NRG3: variants seen among roughly 807,000 people sequenced by gnomAD.
NRG3 encodes the protein neuregulin 3, also known as pro-neuregulin-3, membrane-bound isoform.
Under a neutral mutation model 66.9 loss-of-function variants are expected in NRG3, and 31 were observed. The ratio of observed to expected loss-of-function variants is 0.46; its 90% CI spans 0.35 to 0.63. The LOEUF (loss-of-function observed/expected upper bound fraction) is 0.63, where lower values mean the gene tolerates loss of function less well. Among genes scored for constraint, NRG3 ranks in the 20% least tolerant of loss-of-function variants. The pLI is 0.00. For missense variants in NRG3, 910 were observed against 878.9 expected, an observed-to-expected ratio of 1.04 and a Z score of -0.45; for synonymous variants, 393 against 359.4, an observed-to-expected ratio of 1.09 and a Z score of -1.06.
intron 4 of NRG3, among the ~76,000 whole-genome samples, chr10:82,920,719 T>C (rs527542361): frequency 6.6e-6 from 1 of 152,136 alleles, no homozygotes; most frequent in South Asian, 2.1e-4. Flanking sequence ...TAAAAAATGC[T>C]AAAAAAATGA....
At chr10:82,569,781 C>T (rs1315297358) in intron 2 of NRG3, among the ~76,000 whole-genome samples, 1 of 151,594 alleles carries the variant, frequency 6.6e-6, no homozygotes, top group Non-Finnish European at 1.5e-5. Context: ...ACAAATAACT[C>T]ACAAATATTT....
chr10:82,378,523 C>G (rs1011503638), intron 2 of NRG3, among the ~76,000 whole-genome samples: 3 of 151,724 alleles, frequency 2.0e-5, no homozygotes, highest in Admixed American at 2.0e-4. Context: ...TCCTTCCTTC[C>G]CTCCATTCCT....
chr10:82,577,908 G>A (rs2046126222), intron 2 of NRG3, among the ~76,000 whole-genome samples: 1 of 151,458 alleles, frequency 6.6e-6, no homozygotes, highest in Non-Finnish European at 1.5e-5. Context: ...AAATTTCTTT[G>A]CAAGCTTTTT....
At chr10:82,549,626 G>T (rs879289740) in intron 2 of NRG3, among the ~76,000 whole-genome samples, 2 of 152,168 alleles carry the variant, frequency 1.3e-5, no homozygotes, top group Non-Finnish European at 2.9e-5. Flanking sequence ...AGCTGATGCA[G>T]AATAATTGAG....
intron 1 of NRG3, among the ~76,000 whole-genome samples, chr10:81,980,354 GTAT>G (rs982534008): frequency 1.2e-4 from 18 of 152,142 alleles, no homozygotes; most frequent in Non-Finnish European, 2.2e-4. Context: ...GTTAATGAGG[GTAT>G]TATTATATCT....
chr10:82,692,795 C>T (rs1469191285), intron 2 of NRG3, among the ~76,000 whole-genome samples: 3 of 152,198 alleles, frequency 2.0e-5, no homozygotes, highest in African/African-American at 4.8e-5. Flanking sequence ...GGGATTCTTC[C>T]GTATCTGCGT....
chr10:82,553,946 A>G (rs1485763595), intron 2 of NRG3, among the ~76,000 whole-genome samples: 1 of 152,132 alleles, frequency 6.6e-6, no homozygotes, highest in African/African-American at 2.4e-5. Context: ...ATTTAGTGCA[A>G]ACCTGTAGAT....
chr10:82,728,518 A>G (rs1379042139), intron 2 of NRG3, among the ~76,000 whole-genome samples: 1 of 152,180 alleles, frequency 6.6e-6, no homozygotes, highest in Non-Finnish European at 1.5e-5. Flanking sequence ...TTCTGCCATG[A>G]TTGTGAGATC....
intron 4 of NRG3, among the ~76,000 whole-genome samples, chr10:82,935,266 T>A (rs1847947880): frequency 6.6e-6 from 1 of 152,200 alleles, no homozygotes; most frequent in Non-Finnish European, 1.5e-5. Context: ...TCTCTAGAAC[T>A]CCTAGTTACT....
intron 1 of NRG3, among the ~76,000 whole-genome samples, chr10:82,114,766 C>T (rs1043442177): frequency 2.6e-5 from 4 of 152,044 alleles, no homozygotes; most frequent in Non-Finnish European, 5.9e-5. Flanking sequence ...TTAAATTTCC[C>T]CTGGAAACTG....
intron 1 of NRG3, among the ~76,000 whole-genome samples, chr10:81,909,897 T>A (rs1037008683): frequency 6.6e-6 from 1 of 152,330 alleles, no homozygotes; most frequent in South Asian, 2.1e-4. Flanking sequence ...CTTCCTCTTA[T>A]TTCTTATAAG....
At chr10:82,298,649 C>T (rs1427347156) in intron 1 of NRG3, among the ~76,000 whole-genome samples, 1 of 151,866 alleles carries the variant, frequency 6.6e-6, no homozygotes, top group Admixed American at 6.6e-5. Context: ...TAAAAAAAAA[C>T]CTTACCTCTT....
intron 1 of NRG3, among the ~76,000 whole-genome samples, chr10:82,222,612 C>T (rs910302461): frequency 2.7e-5 from 4 of 149,540 alleles, no homozygotes; most frequent in African/African-American, 9.7e-5. Context: ...AGATCAAGAA[C>T]ATTTTCTCTT....
At chr10:82,904,744 C>G (rs1844564075) in intron 4 of NRG3, among the ~76,000 whole-genome samples, 1 of 151,634 alleles carries the variant, frequency 6.6e-6, no homozygotes, top group Non-Finnish European at 1.5e-5. Flanking sequence ...ATTAGGAAAT[C>G]AAAAAAAGTA....
intron 1 of NRG3, among the ~76,000 whole-genome samples, chr10:82,127,582 T>C (rs2068530175): frequency 6.6e-6 from 1 of 152,060 alleles, no homozygotes; most frequent in African/African-American, 2.4e-5. Flanking sequence ...GTTAATACTT[T>C]GGGCACAGAT....
At chr10:82,216,460 A>ATATATGTGTG (rs1554851844) in intron 1 of NRG3, among the ~76,000 whole-genome samples, 2,157 of 146,344 alleles carry the variant, frequency 0.015, 39 homozygotes, top group African/African-American at 0.049. Flanking sequence ...TTTTATATAT[A>ATATATGTGTG]TGTGTGTGTG....
At chr10:82,577,531 G>A (rs1275911805) in intron 2 of NRG3, among the ~76,000 whole-genome samples, 1 of 151,588 alleles carries the variant, frequency 6.6e-6, no homozygotes, top group East Asian at 1.9e-4. Context: ...TGATATTTAG[G>A]TATTATTTTT....
intron 3 of NRG3, among the ~76,000 whole-genome samples, chr10:82,771,982 CCTT>C (rs980940802): frequency 2.0e-4 from 30 of 152,148 alleles, no homozygotes; most frequent in African/African-American, 6.5e-4. Context: ...AAATCTATTT[CCTT>C]CTTCATTGTC....
Position 81,875,708 on chromosome 10 carries a change from A to G in NRG3, c.368A>G (p.Lys123Arg), listed in dbSNP as rs1841553262. 3 of 1,613,526 alleles carry G rather than the reference A, an allele frequency of 1.9e-6. No individual in the cohort carries two copies. Among genetic ancestry groups the G allele is most frequent in the African/African-American group, 2.7e-5 (2 of 74,874 alleles). The change falls in exon 1 of 9, where the codon AAG (lysine) becomes AGG (arginine). Residue 123 changes from lysine (K) to arginine (R), a missense_variant. Lys to Arg is a conservative substitution (Grantham distance 26). Coordinates refer to ENST00000372141, the MANE Select transcript of NRG3 (RefSeq NM_001010848.4). This position sits in a 1 kb window ranked among gnomAD's most constrained non-coding sequence, Gnocchi z 5.3. ...CTCTCCAAGCCCAGCTCTTTCCCCA[A>G]GGCCATGGAGACCACCACCACTACC... is the stretch of plus-strand genomic sequence containing the variant. ...FFLSKPSSFPKAMETTTTTTS... is the reference protein window; with the variant it reads ...FFLSKPSSFPRAMETTTTTTS...
Sources: allele counts gnomAD v4.1 joint callset (sites outside exome capture counted in the v4.1 genomes callset), GRCh38; gene constraint gnomAD v4.1.1; non-coding constraint Gnocchi (gnomAD v3.1); transcripts MANE v1.5; gene names NCBI Gene and HGNC (gene_info 2026-07-23, HGNC 2026-07-21).